The following DLGAP1 variants were observed in gnomAD, a reference collection of about 807,000 sequenced individuals.
DLGAP1 encodes the protein disks large-associated protein 1.
A neutral mutation model predicts 90.8 loss-of-function variants in DLGAP1; 11 were observed. The ratio of observed to expected loss-of-function variants is 0.12; its 90% CI spans 0.08 to 0.20. The LOEUF is 0.20. DLGAP1 is among the 10% of genes least tolerant of loss of function. The pLI, the probability that DLGAP1 is intolerant of heterozygous loss-of-function variation, is 1.00. For synonymous variants in DLGAP1, 558 were observed against 540.7 expected (o/e 1.03, Z -0.44); for missense variants, 1,050 against 1,333.8 (o/e 0.79, Z 3.31).
chr18:3,847,467 G>C (rs1020477884), intron 4 of DLGAP1, among the ~76,000 whole-genome samples: 4 of 152,036 alleles, frequency 2.6e-5, no homozygotes, highest in Admixed American at 2.6e-4. Context: ...CCAGGAAAAA[G>C]AGGAGGACTA....
Position 4,124,282 on chromosome 18 carries a change from G to C in DLGAP1, c.-159+26898C>G, listed in dbSNP as rs187646149. On this transcript the variant is annotated intron_variant, in intron 2 of 12. Coordinates refer to ENST00000315677, the MANE Select transcript of DLGAP1 (RefSeq NM_004746.4). ...TCAGCCAGGACCCTAGAAGGATGGA[G>C]GTGGAATTTCTCCACCCCTACACCT... Among the ~76,000 whole-genome samples the C allele has an allele frequency of 2.0e-4, 30 of 152,246 alleles. No homozygotes were observed. The East Asian group carries it at 5.8e-3, about 29-fold the overall frequency.
chr18:3,777,475 G>C lies in DLGAP1; in HGVS notation c.1173-34963C>G, dbSNP rs900279946. Among the ~76,000 whole-genome samples the C allele has an allele frequency of 4.6e-5, 7 of 152,302 alleles. No homozygotes were observed. The South Asian group carries it at 6.2e-4, about 14-fold the overall frequency. On this transcript the variant is annotated intron_variant, in intron 5 of 12. Transcript: ENST00000315677. ...GTGGAAGAATACGCGGATGTGGCTG[G>C]AGAGAAGGGAGCGATGGGTTATATA...
At chr18:3,758,613 T>A (rs966622801) in intron 5 of DLGAP1, among the ~76,000 whole-genome samples, 2 of 152,224 alleles carry the variant, frequency 1.3e-5, no homozygotes, top group African/African-American at 4.8e-5. Flanking sequence ...AAGCTTAACA[T>A]GGATTATATT....
intron 1 of DLGAP1, among the ~76,000 whole-genome samples, chr18:4,409,963 A>C (rs2082741311): frequency 6.6e-6 from 1 of 152,220 alleles, no homozygotes; most frequent in Non-Finnish European, 1.5e-5. Flanking sequence ...ATAGGATGGA[A>C]TACTACTCAG....
intron 4 of DLGAP1, chr18:3,874,674 AGAATT>A (rs2148814901): frequency 6.5e-7 from 1 of 1,535,522 alleles, no homozygotes; most frequent in African/African-American, 1.4e-5. Context: ...ATCTCAACTG[AGAATT>A]AAACAGTTTT....
In DLGAP1 at chr18:3,567,511, A is replaced by T; in HGVS notation, c.2036T>A (p.Val679Glu). The T allele has an allele frequency of 3.1e-6, 5 of 1,613,630 alleles. No homozygotes were observed. The highest frequency in any genetic ancestry group is 4.2e-6 in the Non-Finnish European group (5 of 1,179,822). The part of the protein sequence containing the change: ...KAPSKFQSVG[V>E]QVEEEKCFRR... ...TTACCACTTCTCTTCTTCTACTTGC[A>T]CTCCCACGGACTGGAACTTACTGGG... Residue 679 changes from valine to glutamate, a missense_variant, in exon 9 of 13, where the codon GTG (valine) becomes GAG (glutamate). By Grantham distance (121) the Val-to-Glu change is moderately radical (BLOSUM62 -2). This residue lies in a region of DLGAP1 where 565 missense variants were observed against 879.7 expected (regional missense o/e 0.64). Coordinates refer to ENST00000315677, the MANE Select transcript of DLGAP1 (RefSeq NM_004746.4).
At chr18:4,252,245 G>A (rs2078794510) in intron 1 of DLGAP1, among the ~76,000 whole-genome samples, 1 of 152,112 alleles carries the variant, frequency 6.6e-6, no homozygotes. Context: ...ATGGAATTTT[G>A]GGCTAGTCTC....
rs2143405840 is a variant in DLGAP1, at chr18:4,308,155, CT to C, written c.-267+146850del. Among the ~76,000 whole-genome samples the C allele has an allele frequency of 1.3e-5, 2 of 152,320 alleles. 1 individual carries two copies. Among genetic ancestry groups the C allele is most frequent in the South Asian group, 4.1e-4 (2 of 4,828 alleles). ...ACTGAGGCTTATAGGGACTAAGTCA[CT>C]TGAGGAAGACTGCTTGTCTGATAAT... On this transcript the variant is annotated intron_variant, in intron 1 of 12. Coordinates refer to ENST00000315677, the MANE Select transcript of DLGAP1 (RefSeq NM_004746.4).
At chr18:4,096,426 C>T (rs2075680421) in intron 2 of DLGAP1, among the ~76,000 whole-genome samples, 1 of 152,278 alleles carries the variant, frequency 6.6e-6, no homozygotes. Context: ...TGTAAACCCA[C>T]CATATTTTAT....
intron 2 of DLGAP1, among the ~76,000 whole-genome samples, chr18:4,032,200 G>A (rs988072100): frequency 2.6e-5 from 4 of 152,172 alleles, no homozygotes; most frequent in African/African-American, 9.7e-5. Flanking sequence ...CCAAAACTGT[G>A]CTTTCTGAAT....
At chr18:4,349,224 A>C (rs1373592644) in intron 1 of DLGAP1, among the ~76,000 whole-genome samples, 2 of 152,302 alleles carry the variant, frequency 1.3e-5, no homozygotes, top group Non-Finnish European at 2.9e-5. Context: ...TATTCGTGCA[A>C]AAATTTTTAA....
chr18:3,559,161 T>C (rs7227058), intron 9 of DLGAP1, among the ~76,000 whole-genome samples: 33,979 of 152,086 alleles, frequency 0.22, 5,890 homozygotes, highest in African/African-American at 0.49. Flanking sequence ...CGAGATTCAT[T>C]TGATGAATCC....
chr18:3,708,573 G>A (rs1277496567), intron 7 of DLGAP1: 1 of 456,248 alleles, frequency 2.2e-6, no homozygotes, highest in South Asian at 1.5e-5. Flanking sequence ...GCACCTTCAG[G>A]AAGGGTGGAG....
intron 2 of DLGAP1, among the ~76,000 whole-genome samples, chr18:4,044,771 A>C (rs1219241558): frequency 6.6e-6 from 1 of 151,956 alleles, no homozygotes; most frequent in Non-Finnish European, 1.5e-5. Flanking sequence ...AACAAACAAA[A>C]CAAACAAACA....
At chr18:4,450,255 A>G (rs2144903168) in intron 1 of DLGAP1, among the ~76,000 whole-genome samples, 1 of 152,164 alleles carries the variant, frequency 6.6e-6, no homozygotes, top group East Asian at 1.9e-4. Context: ...TAGACTCCAC[A>G]CTGATTTCTA....
chr18:3,764,604 G>A (rs970200308), intron 5 of DLGAP1, among the ~76,000 whole-genome samples: 5 of 152,012 alleles, frequency 3.3e-5, no homozygotes, highest in South Asian at 2.1e-4. Flanking sequence ...TCCCATTTTC[G>A]AAATCATCCC....
chr18:3,703,991 C>A (rs2061360575), intron 7 of DLGAP1, among the ~76,000 whole-genome samples: 1 of 152,134 alleles, frequency 6.6e-6, no homozygotes, highest in Non-Finnish European at 1.5e-5. Flanking sequence ...GCAATTATAC[C>A]ATTGGGAACA....
intron 7 of DLGAP1, among the ~76,000 whole-genome samples, chr18:3,630,278 G>A (rs1256468803): frequency 1.3e-5 from 2 of 152,096 alleles, no homozygotes; most frequent in South Asian, 2.1e-4. Context: ...TTGGGGCATC[G>A]GTTTTTTCCA....
intron 5 of DLGAP1, among the ~76,000 whole-genome samples, chr18:3,796,663 C>T (rs1189118349): frequency 6.6e-6 from 1 of 152,176 alleles, no homozygotes; most frequent in Non-Finnish European, 1.5e-5. Context: ...GCCGCTTAGC[C>T]ACTGAGCTAA....
Sources: gnomAD v4.1 joint callset for allele counts (sites outside exome capture counted in the v4.1 genomes callset) on GRCh38, gnomAD v4.1.1 for gene constraint, gnomAD v4.1.1 regional missense constraint, MANE v1.5 for transcripts, NCBI Gene and HGNC (gene_info 2026-07-23, HGNC 2026-07-21) for gene names.